The following NAALAD2 variants were observed in gnomAD, a reference collection of about 807,000 sequenced individuals.
NAALAD2 encodes the protein N-acetylated-alpha-linked acidic dipeptidase 2.
In NAALAD2, 89 loss-of-function variants were observed where a neutral mutation model predicts 95.6. The ratio of observed to expected loss-of-function variants is 0.93; its 90% CI spans 0.78 to 1.11. The LOEUF (loss-of-function observed/expected upper bound fraction) is 1.11, where lower values mean the gene tolerates loss of function less well. NAALAD2 is among the 50% of genes least tolerant of loss of function. The pLI is 0.00. For missense variants in NAALAD2, 894 were observed against 872.4 expected (o/e 1.02, Z -0.31); for synonymous variants, 264 against 294.4 (o/e 0.90, Z 1.06).
At chr11:90,141,625 G>C (rs191893597) in intron 2 of NAALAD2, among the ~76,000 whole-genome samples, 4 of 151,526 alleles carry the variant, frequency 2.6e-5, no homozygotes, top group African/African-American at 9.7e-5. Context: ...GGTTTTGGGG[G>C]GGTTTTCTGA....
chr11:90,143,096 T>C (rs1462040957), intron 2 of NAALAD2, among the ~76,000 whole-genome samples: 2 of 152,174 alleles, frequency 1.3e-5, no homozygotes, highest in Non-Finnish European at 2.9e-5. Flanking sequence ...GTTATATTTT[T>C]TCTTTGAACA....
In NAALAD2 at chr11:90,181,679, C is replaced by T; in HGVS notation, c.1918C>T (p.Leu640Phe). 1.3e-6 allele frequency: 2 copies of T among 1,598,210 alleles called. No homozygotes were observed. The change falls in exon 17 of 19, where the codon CTT becomes TTT. Residue 640 changes from leucine to phenylalanine, a missense_variant. Physicochemically the swap from Leu to Phe is conservative, Grantham distance 22 (BLOSUM62 0). Transcript: ENST00000534061. ...GGCTGCTTCAGATTTTCATAAACGA[C>T]TTATACAAGTTGATCTTAACAAGTA... ...SEAASDFHKR[L>F]IQVDLNNPIA...
chr11:90,146,520 G>T lies in NAALAD2; in HGVS notation c.195-810G>T, dbSNP rs538572904. 2.6e-5 allele frequency among the ~76,000 whole-genome samples: 4 copies of T among 151,630 alleles called. No individual in the cohort carries two copies. In the South Asian group the frequency reaches 6.3e-4, roughly 24 times the overall value. ...ATTACAAGCACCCGCCACGACGCCT[G>T]GCTAATTTTTTGTATTTTTGGTAGA... is the stretch of plus-strand genomic sequence containing the variant. On this transcript the variant is annotated intron_variant, in intron 2 of 18. Coordinates refer to ENST00000534061, the MANE Select transcript of NAALAD2 (RefSeq NM_005467.4).
At chr11:90,149,559 C>T (rs188787828) in intron 4 of NAALAD2, among the ~76,000 whole-genome samples, 58 of 152,194 alleles carry the variant, frequency 3.8e-4, no homozygotes, top group Admixed American at 3.3e-3. Context: ...CTCAGCCTCC[C>T]GCGTAGCTGG....
chr11:90,167,636 G>C (rs190726766), intron 11 of NAALAD2, among the ~76,000 whole-genome samples: 61 of 152,258 alleles, frequency 4.0e-4, no homozygotes, highest in African/African-American at 1.4e-3. Flanking sequence ...GAATCTTTAT[G>C]TCTAGCTAAG....
chr11:90,134,933 G>A, intron 1 of NAALAD2, 93 bp downstream of exon 1: 1 of 1,413,840 alleles, frequency 7.1e-7, no homozygotes, highest in Non-Finnish European at 1.0e-6. Flanking sequence ...GGATTGGGCT[G>A]TGCGCTAGCC....
intron 18 of NAALAD2, among the ~76,000 whole-genome samples, chr11:90,191,253 A>G (rs961539670): frequency 5.9e-5 from 9 of 151,798 alleles, no homozygotes; most frequent in South Asian, 2.1e-4. Flanking sequence ...TGTTATCACC[A>G]TATTTGTGGA....
chr11:90,166,752 G>A (rs1002463737), intron 11 of NAALAD2, among the ~76,000 whole-genome samples: 6 of 151,668 alleles, frequency 4.0e-5, no homozygotes, highest in East Asian at 2.0e-4. Flanking sequence ...GGAGAATGGC[G>A]TGAACCCGGG....
chr11:90,157,615 T>C (rs1952154185), intron 6 of NAALAD2, among the ~76,000 whole-genome samples: 1 of 152,160 alleles, frequency 6.6e-6, no homozygotes, highest in Non-Finnish European at 1.5e-5. Context: ...TTATGTGAAA[T>C]GTCAAAACAA....
intron 18 of NAALAD2, among the ~76,000 whole-genome samples, chr11:90,185,667 A>G (rs1857116614): frequency 6.6e-6 from 1 of 151,856 alleles, no homozygotes; most frequent in Non-Finnish European, 1.5e-5. Context: ...ATTTTTTTTC[A>G]TTTTTTTAGA....
At chr11:90,180,720 T>G (rs897877389) in intron 16 of NAALAD2, among the ~76,000 whole-genome samples, 4 of 151,992 alleles carry the variant, frequency 2.6e-5, no homozygotes, top group Non-Finnish European at 5.9e-5. Flanking sequence ...TAATAAATTG[T>G]TGTAATAAAA....
At chr11:90,155,584 TAA>T (rs1368087296) in intron 6 of NAALAD2, among the ~76,000 whole-genome samples, 6 of 76,940 alleles carry the variant, frequency 7.8e-5, no homozygotes, top group African/African-American at 3.5e-4. Flanking sequence ...AATATATATG[TAA>T]TATATATGTA....
At chr11:90,153,456 A>G (rs1481090940) in intron 6 of NAALAD2, among the ~76,000 whole-genome samples, 8 of 152,134 alleles carry the variant, frequency 5.3e-5, no homozygotes, top group Non-Finnish European at 1.0e-4. Context: ...TTAGTATGTC[A>G]GTCTTTTCAA....
At chr11:90,163,681 C>G in intron 11 of NAALAD2, 64 bp downstream of exon 11, 1 of 1,401,552 alleles carries the variant, frequency 7.1e-7, no homozygotes, top group South Asian at 1.2e-5. Flanking sequence ...ATGTATGTGT[C>G]TCAGGATGAT....
At chr11:90,174,053 C>G (rs1056804020) in intron 14 of NAALAD2, 138 bp downstream of exon 14, 3 of 676,098 alleles carry the variant, frequency 4.4e-6, no homozygotes, top group African/African-American at 1.8e-5. Context: ...AATTCCTGGC[C>G]GAGCCCAGTA....
chr11:90,147,545 T>G, intron 3 of NAALAD2, 29 bp downstream of exon 3: 7 of 1,572,034 alleles, frequency 4.5e-6, no homozygotes, highest in Non-Finnish European at 6.0e-6. Context: ...ACTTTTTATA[T>G]TTTGCAATCC....
chr11:90,189,072 A>G (rs1857246619), intron 18 of NAALAD2, among the ~76,000 whole-genome samples: 1 of 152,228 alleles, frequency 6.6e-6, no homozygotes, highest in South Asian at 2.1e-4. Flanking sequence ...AGGGTCCTTA[A>G]AAGTCTTCCT....
Position 90,181,717 on chromosome 11 carries a change from CT to C in NAALAD2, c.1940+25del, listed in dbSNP as rs746691955. On this transcript the variant is annotated intron_variant, in intron 17 of 18. Transcript: ENST00000534061. ...ATCTTAACAAGTAAGTTTCAAATCC[CT>C]TTTTTTTTAAAAAAAAAAAAAAAAG... is the stretch of plus-strand genomic sequence containing the variant. 7.5e-4 allele frequency: 1,041 copies of C among 1,383,032 alleles called. No homozygotes were observed. The highest frequency in any genetic ancestry group is 4.8e-3 in the Middle Eastern group (23 of 4,766). 85.7% of individuals were successfully genotyped at this position (1,383,032 alleles called of 1,614,324 possible). A position where few individuals can be genotyped will look rare whatever the true frequency, so the allele number is the denominator to read the frequency against.
intron 2 of NAALAD2, among the ~76,000 whole-genome samples, chr11:90,137,821 T>G (rs1385973139): frequency 2.0e-5 from 3 of 152,044 alleles, no homozygotes; most frequent in Non-Finnish European, 2.9e-5. Context: ...GTTGTTGTTG[T>G]TGGTAGAGAC....
Sources: gnomAD v4.1 joint callset for allele counts (sites outside exome capture counted in the v4.1 genomes callset) on GRCh38, gnomAD v4.1.1 for gene constraint, MANE v1.5 for transcripts, NCBI Gene and HGNC (gene_info 2026-07-23, HGNC 2026-07-21) for gene names.